ZNF574: variants seen among roughly 807,000 people sequenced by gnomAD.
ZNF574 encodes zinc finger protein 574.
In ZNF574, 25 loss-of-function variants were observed where a neutral mutation model predicts 56.6. That is an observed-to-expected ratio of 0.44 (90% CI 0.32 to 0.62). The LOEUF (loss-of-function observed/expected upper bound fraction) is 0.62. Ranked by LOEUF, ZNF574 falls within the 20% of genes least tolerant of loss-of-function variation. ZNF574 has a pLI of 0.04. For missense variants in ZNF574, 1,065 were observed against 1,218.9 expected, an observed-to-expected ratio of 0.87 and a Z score of 1.88; for synonymous variants, 543 against 492.1, an observed-to-expected ratio of 1.10 and a Z score of -1.37.
chr19:42,073,162 G>C (rs551441095), upstream of ZNF574, among the ~76,000 whole-genome samples: 12 of 152,268 alleles, frequency 7.9e-5, no homozygotes, highest in Admixed American at 6.5e-4. Flanking sequence ...TAGACTGTAA[G>C]GTCAACTCCT....
chr19:42,081,079 C>T lies in ZNF574; in HGVS notation c.2473C>T (p.Pro825Ser), dbSNP rs777352461. The T allele has an allele frequency of 1.1e-5, 18 of 1,614,090 alleles. No individual in the cohort carries two copies. The highest frequency in any genetic ancestry group is 1.4e-5 in the Non-Finnish European group (17 of 1,180,044). ...CACAGGCGAACGACCCTACTCCTGC[C>T]CTGACTGTGGCAAGAGCTACCGCTC... ...IHTGERPYSC[P>S]DCGKSYRSFS... Residue 825 changes from proline to serine, a missense_variant, in exon 2 of 2, where the codon CCT becomes TCT. Coordinates refer to ENST00000359044, the MANE Select transcript of ZNF574 (RefSeq NM_022752.6).
chr19:42,081,095 G>A lies in ZNF574; in HGVS notation c.2489G>A (p.Ser830Asn). Residue 830 changes from serine (S) to asparagine (N), a missense_variant, in exon 2 of 2, where the codon AGC becomes AAC. Ser to Asn is a conservative substitution (Grantham distance 46). Transcript: ENST00000359044. ...TACTCCTGCCCTGACTGTGGCAAGA[G>A]CTACCGCTCCTTCTCCAACCTCTGG... ...RPYSCPDCGK[S>N]YRSFSNLWKH... 1 of 1,614,200 alleles carries A rather than the reference G, an allele frequency of 6.2e-7. No individual in the cohort carries two copies. The highest frequency in any genetic ancestry group is 8.5e-7 in the Non-Finnish European group (1 of 1,180,046).
chr19:42,071,443 C>G (rs541897435), upstream of ZNF574, among the ~76,000 whole-genome samples: 21 of 152,298 alleles, frequency 1.4e-4, no homozygotes, highest in African/African-American at 5.1e-4. Context: ...ATGCCTCGAA[C>G]ACACAGCTGG....
At position 42,080,604 on chromosome 19, in the gene ZNF574, C is replaced by CT; in HGVS notation, c.2001dup (p.Glu668Ter). On this transcript the variant is annotated frameshift_variant, in exon 2 of 2. Coordinates refer to ENST00000359044, the MANE Select transcript of ZNF574 (RefSeq NM_022752.6). LOFTEE classifies it high-confidence loss of function. This position sits in a 1 kb window ranked among gnomAD's most constrained non-coding sequence, Gnocchi z 8.5. ...CCGCTGCTGCCCAGGCCCCACGGCGCTTTGAGTGTGGCACCTGTGGCAAGA... is the reference window on the plus strand; with the variant it reads ...CCGCTGCTGCCCAGGCCCCACGGCGCTTTTGAGTGTGGCACCTGTGGCAAGA... 6.2e-7 allele frequency: 1 copy of CT among 1,612,934 alleles called. No homozygotes were observed. Among genetic ancestry groups the CT allele is most frequent in the Non-Finnish European group, 8.5e-7 (1 of 1,179,892 alleles).
At position 42,079,462 on chromosome 19, in the gene ZNF574, C is replaced by G. The variant is rs770591204; in HGVS notation, c.856C>G (p.Arg286Gly). 6.2e-7 allele frequency: 1 copy of G among 1,613,570 alleles called. No homozygotes were observed. The highest frequency in any genetic ancestry group is 8.5e-7 in the Non-Finnish European group (1 of 1,180,034). Reference protein sequence around the residue: ...YELRNGEAIGRDRRGRRARRN... With the variant: ...YELRNGEAIGGDRRGRRARRN... ...GCTGCGCAATGGTGAAGCCATTGGG[C>G]GGGATCGCCGGGGGCGCAGGGCCCG... The change falls in exon 2 of 2, where the codon CGG becomes GGG. Residue 286 changes from arginine (R) to glycine (G), a missense_variant. By Grantham distance (125) the Arg-to-Gly change is moderately radical. Coordinates refer to ENST00000359044, the MANE Select transcript of ZNF574 (RefSeq NM_022752.6). This position sits in a 1 kb window ranked among gnomAD's most constrained non-coding sequence, Gnocchi z 4.3.
At position 42,079,256 on chromosome 19, in the gene ZNF574, C is replaced by G; in HGVS notation, c.650C>G (p.Ser217Cys). 6.2e-7 allele frequency: 1 copy of G among 1,614,096 alleles called. No individual in the cohort carries two copies. Among genetic ancestry groups the G allele is most frequent in the Non-Finnish European group, 8.5e-7 (1 of 1,180,014 alleles). ...TEVELLLYKCSECSQLFQLPA... is the reference protein window; with the variant it reads ...TEVELLLYKCCECSQLFQLPA... ...GTGGAGCTGCTCCTCTACAAGTGCT[C>G]TGAGTGCTCCCAGCTCTTCCAGCTG... Residue 217 changes from serine (S) to cysteine (C), a missense_variant, in exon 2 of 2, where the codon TCT (serine) becomes TGT (cysteine). By Grantham distance (112) the Ser-to-Cys change is moderately radical (BLOSUM62 -1). Coordinates refer to ENST00000359044, the MANE Select transcript of ZNF574 (RefSeq NM_022752.6). This position sits in a 1 kb window ranked among gnomAD's most constrained non-coding sequence, Gnocchi z 4.3.
Position 42,078,900 on chromosome 19 carries a change from C to T in ZNF574, c.294C>T (p.His98=), listed in dbSNP as rs879097895. The change falls in exon 2 of 2, where the codon CAC becomes CAT. Residue 98 remains histidine, a synonymous_variant. Transcript: ENST00000359044. ...PSQLLEHQEL[H]LKMMAPQEAV... ...AGCTCCTGGAGCACCAGGAGCTGCA[C>T]CTGAAGATGATGGCACCCCAGGAGG... 1.9e-6 allele frequency: 3 copies of T among 1,613,966 alleles called. No homozygotes were observed. The South Asian group carries it at 3.3e-5, about 18-fold the overall frequency.
upstream of ZNF574, among the ~76,000 whole-genome samples, chr19:42,075,411 C>T (rs1299062568): frequency 1.3e-5 from 2 of 152,202 alleles, no homozygotes; most frequent in Non-Finnish European, 2.9e-5. Flanking sequence ...CCACCACACT[C>T]CCTATTTCTT....
At chr19:42,074,587 T>C (rs1200673363), upstream of ZNF574, 5 of 152,308 alleles carry the variant, frequency 3.3e-5, no homozygotes, top group South Asian at 6.2e-4. Context: ...GGGCTGTTAT[T>C]AGCCCCATTT....
At position 42,079,600 on chromosome 19, in the gene ZNF574, C is replaced by T. The variant is rs2076481837; in HGVS notation, c.994C>T (p.Arg332Trp). Residue 332 changes from arginine (R) to tryptophan (W), a missense_variant, in exon 2 of 2, where the codon CGG (arginine) becomes TGG (tryptophan). Arg to Trp is a moderately radical substitution (Grantham distance 101). Coordinates refer to ENST00000359044, the MANE Select transcript of ZNF574 (RefSeq NM_022752.6). The surrounding 1 kb of genome is among the most constrained non-coding windows in gnomAD (Gnocchi z 4.3). ...HQLQQHLRSH[R>W]EGVFKCPLCS... ...GCTACAGCAGCACCTGCGGAGTCACCGGGAGGGCGTCTTTAAGTGCCCCCT... is the reference window on the plus strand; with the variant it reads ...GCTACAGCAGCACCTGCGGAGTCACTGGGAGGGCGTCTTTAAGTGCCCCCT... 1.9e-6 allele frequency: 3 copies of T among 1,614,166 alleles called. No homozygotes were observed. Among genetic ancestry groups the T allele is most frequent in the East Asian group, 2.2e-5 (1 of 44,882 alleles).
rs201397188 is a variant in ZNF574, at chr19:42,079,125, C to G, written c.519C>G (p.Gly173=). Residue 173 remains glycine (G), a synonymous_variant, in exon 2 of 2, where the codon GGC becomes GGG. Coordinates refer to ENST00000359044, the MANE Select transcript of ZNF574 (RefSeq NM_022752.6). The surrounding 1 kb of genome is among the most constrained non-coding windows in gnomAD (Gnocchi z 4.3). The part of the protein sequence containing the change: ...GSPVVLGPPV[G]QARVAVEHSY... ...CAGTTGTTCTAGGGCCTCCTGTGGG[C>G]CAGGCCCGAGTGGCTGTGGAGCACT... 43 of 1,613,862 alleles carry G rather than the reference C, an allele frequency of 2.7e-5. No individual in the cohort carries two copies. The highest frequency in any genetic ancestry group is 3.1e-5 in the Non-Finnish European group (36 of 1,179,942).
upstream of ZNF574, among the ~76,000 whole-genome samples, chr19:42,072,236 CTTTTTT>C (rs1200141888): frequency 2.2e-5 from 3 of 135,184 alleles, no homozygotes; most frequent in Admixed American, 7.3e-5. Context: ...TTTTCCTTTT[CTTTTTT>C]TTTTTTTTTT....
Position 42,079,854 on chromosome 19 carries a change from G to A in ZNF574, c.1248G>A (p.Gly416=), listed in dbSNP as rs371717284. 1.2e-6 allele frequency: 2 copies of A among 1,614,026 alleles called. No homozygotes were observed. Among genetic ancestry groups the A allele is most frequent in the African/African-American group, 1.3e-5 (1 of 74,902 alleles). Residue 416 remains glycine, a synonymous_variant, in exon 2 of 2, where the codon GGG becomes GGA. Coordinates refer to ENST00000359044, the MANE Select transcript of ZNF574 (RefSeq NM_022752.6). This position sits in a 1 kb window ranked among gnomAD's most constrained non-coding sequence, Gnocchi z 4.3. ...ATCACCGGCGTACTCATGGGGTAGGGGGTGTCCCTCTGCCCACAACACCAG... is the reference window on the plus strand; with the variant it reads ...ATCACCGGCGTACTCATGGGGTAGGAGGTGTCCCTCTGCCCACAACACCAG... The part of the protein sequence containing the change: ...FLYHRRTHGV[G]GVPLPTTPVP...
rs1161647122 is a variant in ZNF574 at position 42,079,829 on chromosome 19, A to G, written c.1223A>G (p.Tyr408Cys). ...KTFVNLTKFL[Y>C]HRRTHGVGGV... ...TTTGTCAACCTTACCAAGTTCCTTT[A>G]TCACCGGCGTACTCATGGGGTAGGG... The change falls in exon 2 of 2, where the codon TAT becomes TGT. Residue 408 changes from tyrosine to cysteine, a missense_variant. By Grantham distance (194) the Tyr-to-Cys change is radical. Coordinates refer to ENST00000359044, the MANE Select transcript of ZNF574 (RefSeq NM_022752.6). This position sits in a 1 kb window ranked among gnomAD's most constrained non-coding sequence, Gnocchi z 4.3. 3.1e-6 allele frequency: 5 copies of G among 1,614,046 alleles called. No individual in the cohort carries two copies. The highest frequency in any genetic ancestry group is 1.7e-5 in the Admixed American group (1 of 60,016).
intron 1 of ZNF574, among the ~76,000 whole-genome samples, chr19:42,077,229 G>A (rs890017154): frequency 6.6e-6 from 1 of 152,094 alleles, no homozygotes; most frequent in African/African-American, 2.4e-5. Flanking sequence ...CTGGATTAAG[G>A]TGGTGATGGA....
At chr19:42,075,964 C>A (rs2076452189), upstream of ZNF574, among the ~76,000 whole-genome samples, 1 of 152,174 alleles carries the variant, frequency 6.6e-6, no homozygotes, top group African/African-American at 2.4e-5. Flanking sequence ...CGAGGGCTGA[C>A]CGGTGAGGGA....
At chr19:42,072,971 T>A (rs59748353), upstream of ZNF574, among the ~76,000 whole-genome samples, 1,876 of 152,376 alleles carry the variant, frequency 0.012, 51 homozygotes, top group African/African-American at 0.043. Flanking sequence ...CACTTCTCTG[T>A]CACCTACCCC....
chr19:42,076,690 C>T (rs1015874444), intron 1 of ZNF574, among the ~76,000 whole-genome samples: 1 of 152,112 alleles, frequency 6.6e-6, no homozygotes, highest in Non-Finnish European at 1.5e-5. Flanking sequence ...CAGTTAGGGG[C>T]TTAGGGCGTG....
Position 42,068,824 on chromosome 19 carries a change from T to TA in ZNF574, c.114dup (p.Glu39ArgfsTer55). On this transcript the variant is annotated frameshift_variant, in exon 1 of 2. Transcript: ENST00000222339. LOFTEE classifies it high-confidence loss of function. ...AAAGCGGAAAGACATATCCAGGAGA[T>TA]AGAGACTGGACGGGGTGGGGACAGG... 1.6e-6 allele frequency: 1 copy of TA among 644,674 alleles called. No homozygotes were observed. The highest frequency in any genetic ancestry group is 2.8e-6 in the Non-Finnish European group (1 of 354,660). 39.9% of individuals were successfully genotyped at this position (644,674 alleles called of 1,614,324 possible). A position where few individuals can be genotyped will look rare whatever the true frequency, so the allele number is the denominator to read the frequency against.
Sources: allele counts gnomAD v4.1 joint callset (sites outside exome capture counted in the v4.1 genomes callset), GRCh38; gene constraint gnomAD v4.1.1; non-coding constraint Gnocchi (gnomAD v3.1); transcripts MANE v1.5; gene names NCBI Gene and HGNC (gene_info 2026-07-23, HGNC 2026-07-21).